The following RAB2A variants were observed in gnomAD, a reference collection of about 807,000 sequenced individuals.
The protein encoded by RAB2A is RAB2A, member RAS oncogene family, also known as ras-related protein Rab-2A.
RAB2A carries 7 observed loss-of-function variants against 32.5 expected under a neutral mutation model. That is an observed-to-expected ratio of 0.22 (90% CI 0.12 to 0.40). The LOEUF is 0.40. Among genes scored for constraint, RAB2A ranks in the 10% least tolerant of loss-of-function variants. The pLI is 1.00. For synonymous variants in RAB2A, 79 were observed against 85.2 expected (o/e 0.93, Z 0.40); for missense variants, 108 against 260.7 (o/e 0.41, Z 4.03).
intron 2 of RAB2A, among the ~76,000 whole-genome samples, chr8:60,564,048 G>A (rs1586085092): frequency 1.3e-5 from 2 of 152,288 alleles, no homozygotes; most frequent in African/African-American, 4.8e-5. Context: ...CTCACATCAA[G>A]TAAATCCTTA....
At chr8:60,606,606 A>C (rs993748414) in intron 6 of RAB2A, among the ~76,000 whole-genome samples, 1 of 152,266 alleles carries the variant, frequency 6.6e-6, no homozygotes, top group Non-Finnish European at 1.5e-5. Context: ...ATTTCTCAAG[A>C]CAGGATCATA....
intron 1 of RAB2A, among the ~76,000 whole-genome samples, chr8:60,529,924 G>A (rs939711998): frequency 2.0e-5 from 3 of 152,116 alleles, no homozygotes; most frequent in African/African-American, 7.2e-5. Context: ...GGCTTTACCA[G>A]CATATCTAAA....
intron 2 of RAB2A, among the ~76,000 whole-genome samples, chr8:60,565,394 G>A (rs186888047): frequency 2.8e-4 from 41 of 144,384 alleles, no homozygotes; most frequent in Non-Finnish European, 5.1e-4. Flanking sequence ...ACTCCAGCCT[G>A]GGCAACAGAG....
At position 60,623,193 on chromosome 8, in the gene RAB2A, ATG is replaced by A. The variant is rs1166948422; in HGVS notation, c.*2427_*2428del. On this transcript the variant is annotated 3_prime_UTR_variant, in exon 8 of 8. Transcript: ENST00000262646. The stretch of plus-strand genomic sequence containing the variant: ...AATGAAAAGCCAATTTTTTGAAAGA[ATG>A]TGGCATATAATTAGATATACAACTG... The A allele has an allele frequency of 6.6e-6, 1 of 152,268 alleles. No homozygotes were observed. Among genetic ancestry groups the A allele is most frequent in the African/African-American group, 2.4e-5 (1 of 41,474 alleles). The allele number at this position is 152,268 out of a possible 1,614,324, so 9.4% of individuals were successfully genotyped here.
chr8:60,552,001 G>GTTTTTTTTTTTTGTTTTT (rs1554553373), intron 1 of RAB2A: 2 of 109,748 alleles, frequency 1.8e-5, no homozygotes, highest in East Asian at 6.0e-4. Context: ...GTAGCTGGGA[G>GTTTTTTTTTTTTGTTTTT]TTTTTTTTTT....
chr8:60,517,745 G>A (rs1659185428), intron 1 of RAB2A, among the ~76,000 whole-genome samples: 1 of 152,098 alleles, frequency 6.6e-6, no homozygotes. Context: ...GCTTTTTGGC[G>A]TGGGACAGGC....
At chr8:60,522,589 TACAAGTAG>T (rs2130804553) in intron 1 of RAB2A, among the ~76,000 whole-genome samples, 1 of 152,282 alleles carries the variant, frequency 6.6e-6, no homozygotes, top group Admixed American at 6.5e-5. Flanking sequence ...ATTGGGAAGT[TACAAGTAG>T]AACCATGCAT....
chr8:60,619,263 C>G (rs779929345), intron 7 of RAB2A, among the ~76,000 whole-genome samples: 1 of 152,024 alleles, frequency 6.6e-6, no homozygotes, highest in Non-Finnish European at 1.5e-5. Context: ...GAGTGTTCAC[C>G]AAAGATCATC....
intron 1 of RAB2A, among the ~76,000 whole-genome samples, chr8:60,518,507 T>G (rs1415566875): frequency 1.6e-5 from 2 of 125,788 alleles, no homozygotes; most frequent in Non-Finnish European, 3.0e-5. Flanking sequence ...AGTACAAAAG[T>G]TAGCCGGGCG....
intron 5 of RAB2A, among the ~76,000 whole-genome samples, chr8:60,589,151 C>A (rs961636788): frequency 1.3e-5 from 2 of 152,118 alleles, no homozygotes; most frequent in Non-Finnish European, 2.9e-5. Flanking sequence ...GAATTTTTAT[C>A]CTTTTATTTT....
chr8:60,621,176 C>T lies in RAB2A; in HGVS notation c.*407C>T, dbSNP rs577588131. ...TCCTCAGAAACTTTGTCAATTTTCACGGCTATAAGGAAACAGAAGGACTCT... is the reference window on the plus strand; with the variant it reads ...TCCTCAGAAACTTTGTCAATTTTCATGGCTATAAGGAAACAGAAGGACTCT... On this transcript the variant is annotated 3_prime_UTR_variant, in exon 8 of 8. Transcript: ENST00000262646. 3.1e-4 allele frequency: 49 copies of T among 158,280 alleles called. No homozygotes were observed. The highest frequency in any genetic ancestry group is 7.5e-4 in the Admixed American group (12 of 15,966). The allele number at this position is 158,280 out of a possible 1,614,324, so 9.8% of individuals were successfully genotyped here. A position where few individuals can be genotyped will look rare whatever the true frequency, so the allele number is the denominator to read the frequency against.
At chr8:60,554,226 T>A (rs1807900820) in intron 1 of RAB2A, among the ~76,000 whole-genome samples, 3 of 152,160 alleles carry the variant, frequency 2.0e-5, no homozygotes. Context: ...GATCTGGTTC[T>A]TAGTGAGAAC....
At chr8:60,545,894 CATTAAATT>C (rs898900487) in intron 1 of RAB2A, among the ~76,000 whole-genome samples, 11 of 152,142 alleles carry the variant, frequency 7.2e-5, no homozygotes, top group African/African-American at 2.7e-4. Context: ...ATTCATTATT[CATTAAATT>C]ATTAAATTAT....
Position 60,517,183 on chromosome 8 carries a change from G to T in RAB2A, c.-25G>T. ...GCAGCAGCGGGAGGAGGAGCCGTGT[G>T]CCCTGGCACTGAGCGGCCGCGGCCA... is the stretch of plus-strand genomic sequence containing the variant. On this transcript the variant is annotated 5_prime_UTR_variant, in exon 1 of 8. Transcript: ENST00000262646. The T allele has an allele frequency of 2.0e-6, 3 of 1,483,280 alleles. No homozygotes were observed. Among genetic ancestry groups the T allele is most frequent in the Non-Finnish European group, 2.7e-6 (3 of 1,114,926 alleles). 91.9% of individuals were successfully genotyped at this position (1,483,280 alleles called of 1,614,324 possible).
At chr8:60,584,182 C>G (rs1202756495) in intron 3 of RAB2A, 26 bp from the exon 4 acceptor site, 1 of 1,537,102 alleles carries the variant, frequency 6.5e-7, no homozygotes, top group Admixed American at 1.7e-5. Context: ...TTAAAGGAAA[C>G]TCTCCAACCT....
intron 1 of RAB2A, among the ~76,000 whole-genome samples, chr8:60,519,564 C>A (rs1250614993): frequency 6.6e-6 from 1 of 152,196 alleles, no homozygotes; most frequent in Non-Finnish European, 1.5e-5. Flanking sequence ...AGTGACTACT[C>A]CGTTTCTGAA....
chr8:60,529,666 T>C (rs1461700347), intron 1 of RAB2A, among the ~76,000 whole-genome samples: 7 of 152,212 alleles, frequency 4.6e-5, no homozygotes, highest in African/African-American at 1.4e-4. Flanking sequence ...CTCATTACTT[T>C]GGGGGTTTAT....
chr8:60,560,563 T>A (rs1180770253), intron 2 of RAB2A, among the ~76,000 whole-genome samples: 2 of 152,162 alleles, frequency 1.3e-5, no homozygotes, highest in African/African-American at 4.8e-5. Flanking sequence ...TATGTATAAA[T>A]TTCTAAGTTG....
chr8:60,569,081 G>C (rs1344357289), intron 2 of RAB2A, among the ~76,000 whole-genome samples: 1 of 152,216 alleles, frequency 6.6e-6, no homozygotes, highest in African/African-American at 2.4e-5. Context: ...CCAGTTATGG[G>C]AAGGTAAATG....
Sources: allele counts gnomAD v4.1 joint callset (sites outside exome capture counted in the v4.1 genomes callset), GRCh38; gene constraint gnomAD v4.1.1; transcripts MANE v1.5; gene names NCBI Gene and HGNC (gene_info 2026-07-23, HGNC 2026-07-21).